Variants in ALDH1L2 observed in about 807,000 individuals in gnomAD.
ALDH1L2 encodes mitochondrial 10-formyltetrahydrofolate dehydrogenase.
In ALDH1L2, 91 loss-of-function variants were observed where a neutral mutation model predicts 111.0. That is an observed-to-expected ratio of 0.82 (90% CI 0.69 to 0.98). The LOEUF (loss-of-function observed/expected upper bound fraction) is 0.98, where lower values mean the gene tolerates loss of function less well. ALDH1L2 is among the 50% of genes least tolerant of loss of function. The pLI, the probability that ALDH1L2 is intolerant of heterozygous loss-of-function variation, is 0.00. For synonymous variants in ALDH1L2, 374 were observed against 392.6 expected (o/e 0.95, Z 0.56); for missense variants, 995 against 1,126.8 (o/e 0.88, Z 1.67).
chr12:105,056,284 G>A lies in ALDH1L2; in HGVS notation c.1287+1789C>T, dbSNP rs187936651. Among the ~76,000 whole-genome samples, 47 of 152,114 alleles carry A rather than the reference G, an allele frequency of 3.1e-4. 1 individual carries two copies. In the South Asian group the frequency reaches 7.1e-3, roughly 23 times the overall value. ...CTTAAAATGATAAAAGAAAAATACC[G>A]TCCAAAAATTCTATACCCAACAAAA... On this transcript the variant is annotated intron_variant, in intron 10 of 22. Transcript: ENST00000258494.
intron 10 of ALDH1L2, among the ~76,000 whole-genome samples, chr12:105,057,471 G>A (rs961055465): frequency 2.0e-5 from 3 of 152,130 alleles, no homozygotes; most frequent in Non-Finnish European, 4.4e-5. Flanking sequence ...AATTTTCATA[G>A]CATTATTCAT....
In ALDH1L2 at chr12:105,024,148, T is replaced by G; in HGVS notation, c.*276A>C. 1 of 516,920 alleles carries G rather than the reference T, an allele frequency of 1.9e-6. No individual in the cohort carries two copies. 32.0% of individuals were successfully genotyped at this position (516,920 alleles called of 1,614,324 possible). A position where few individuals can be genotyped will look rare whatever the true frequency, so the allele number is the denominator to read the frequency against. Reference sequence around the variant, plus strand: ...CTTCAAGATGGGAACCATGAATAGATTTGTCTAGGTAGGGGAGAAACAGCT... The same window carrying G: ...CTTCAAGATGGGAACCATGAATAGAGTTGTCTAGGTAGGGGAGAAACAGCT... On this transcript the variant is annotated 3_prime_UTR_variant, in exon 23 of 23. Transcript: ENST00000258494.
intron 15 of ALDH1L2, among the ~76,000 whole-genome samples, chr12:105,046,014 AGCTATTGTAGCATT>A (rs1273255586): frequency 6.6e-6 from 1 of 151,762 alleles, no homozygotes; most frequent in East Asian, 1.9e-4. Flanking sequence ...TTTCTTAAAA[AGCTATTGTAGCATT>A]AAGAGATTTT....
intron 1 of ALDH1L2, among the ~76,000 whole-genome samples, chr12:105,074,641 C>T (rs1443517184): frequency 6.6e-6 from 1 of 152,014 alleles, no homozygotes; most frequent in Non-Finnish European, 1.5e-5. Context: ...GTTTATCCCC[C>T]TCCAATCTAA....
intron 10 of ALDH1L2, among the ~76,000 whole-genome samples, chr12:105,054,943 T>C (rs1336321995): frequency 1.3e-5 from 2 of 152,164 alleles, no homozygotes; most frequent in Admixed American, 6.5e-5. Context: ...GTGGCAATTA[T>C]TTAATATTGC....
intron 3 of ALDH1L2, 121 bp downstream of exon 3, chr12:105,070,449 A>C (rs1877614240): frequency 1.2e-6 from 1 of 811,140 alleles, no homozygotes. Flanking sequence ...ACAATCCTGA[A>C]ATCTCAGCTA....
intron 1 of ALDH1L2, among the ~76,000 whole-genome samples, chr12:105,079,264 A>C (rs1310680029): frequency 6.6e-6 from 1 of 152,222 alleles, no homozygotes; most frequent in Non-Finnish European, 1.5e-5. Flanking sequence ...TCATACTAAC[A>C]GAAGCAACAA....
At position 105,034,409 on chromosome 12, in the gene ALDH1L2, A is replaced by G; in HGVS notation, c.2146-11T>C. On this transcript the variant is annotated splice_polypyrimidine_tract_variant and intron_variant, in intron 18 of 22. Transcript: ENST00000258494. ...TACTGCTCCCATGCCCTTCAGTGGG[A>G]GAAGAGAAAATATTGCTAACATCAT... is the stretch of plus-strand genomic sequence containing the variant. 3 of 1,606,760 alleles carry G rather than the reference A, an allele frequency of 1.9e-6. No homozygotes were observed. The highest frequency in any genetic ancestry group is 2.2e-5 in the South Asian group (2 of 89,896).
At chr12:105,032,321 G>T (rs1874756347) in intron 19 of ALDH1L2, among the ~76,000 whole-genome samples, 1 of 151,876 alleles carries the variant, frequency 6.6e-6, no homozygotes, top group African/African-American at 2.4e-5. Context: ...GGGATTACAG[G>T]CGCCTGCCAC....
chr12:105,049,109 G>A (rs932104173), intron 13 of ALDH1L2, among the ~76,000 whole-genome samples: 20 of 151,962 alleles, frequency 1.3e-4, no homozygotes, highest in Admixed American at 3.3e-4. Context: ...CTTATACTCA[G>A]TCTGCTTCCA....
At chr12:105,072,620 G>A (rs1209663416) in intron 2 of ALDH1L2, 1 of 152,216 alleles carries the variant, frequency 6.6e-6, no homozygotes, top group African/African-American at 2.4e-5. Flanking sequence ...AGAAAATTGT[G>A]AAAGATCATA....
At chr12:105,061,370 A>G (rs571262669) in intron 8 of ALDH1L2, among the ~76,000 whole-genome samples, 4 of 152,270 alleles carry the variant, frequency 2.6e-5, no homozygotes, top group Non-Finnish European at 5.9e-5. Context: ...TGAAAATAAC[A>G]GAAACTGGGT....
chr12:105,066,387 T>C (rs10778368), intron 5 of ALDH1L2, among the ~76,000 whole-genome samples, 181 bp downstream of exon 5: 133,099 of 152,020 alleles, frequency 0.88, 58,585 homozygotes, highest in East Asian at 1. Context: ...CGAGTCTTCC[T>C]AGACTTTATT....
At chr12:105,051,713 C>A (rs971965149) in intron 12 of ALDH1L2, among the ~76,000 whole-genome samples, 1 of 151,888 alleles carries the variant, frequency 6.6e-6, no homozygotes, top group Admixed American at 6.6e-5. Flanking sequence ...GAATGTTTTG[C>A]AGGAATTTTT....
rs1440862255 is a variant in ALDH1L2, at chr12:105,026,581, CA to C, written c.2679del (p.Phe893LeufsTer13). 1.9e-5 allele frequency: 30 copies of C among 1,613,992 alleles called. No individual in the cohort carries two copies. The highest frequency in any genetic ancestry group is 2.5e-5 in the Non-Finnish European group (29 of 1,180,018). ...CCAAAGCCAGATTGTTTAACTCCGC[CA>C]AATGGGGCCGCCACATCTGTCTTGT... ...TYNKTDVAAP[F>X]GGVKQSGFGK... On this transcript the variant is annotated frameshift_variant, in exon 22 of 23. Coordinates refer to ENST00000258494, the MANE Select transcript of ALDH1L2 (RefSeq NM_001034173.4). LOFTEE classifies it high-confidence loss of function.
intron 7 of ALDH1L2, among the ~76,000 whole-genome samples, chr12:105,062,175 G>A (rs1877040630): frequency 6.6e-6 from 1 of 152,240 alleles, no homozygotes; most frequent in Non-Finnish European, 1.5e-5. Context: ...ATGCATGCAT[G>A]TGCTGAAGGA....
intron 1 of ALDH1L2, among the ~76,000 whole-genome samples, chr12:105,076,582 C>G (rs896389653): frequency 1.3e-5 from 2 of 152,164 alleles, no homozygotes; most frequent in Non-Finnish European, 2.9e-5. Context: ...CAGTCTTGAA[C>G]TGGGCTTTAT....
At chr12:105,083,753 G>A (rs1878443844) in intron 1 of ALDH1L2, among the ~76,000 whole-genome samples, 2 of 152,078 alleles carry the variant, frequency 1.3e-5, no homozygotes, top group Non-Finnish European at 2.9e-5. Flanking sequence ...CAAGGCGCGG[G>A]GCTGGGCCAG....
chr12:105,066,761 C>T, intron 4 of ALDH1L2, 92 bp from the exon 5 acceptor site: 3 of 1,008,086 alleles, frequency 3.0e-6, no homozygotes, highest in Non-Finnish European at 3.1e-6. Context: ...GAATTACTAC[C>T]TATAAACCTG....
Sources: allele counts gnomAD v4.1 joint callset (sites outside exome capture counted in the v4.1 genomes callset), GRCh38; gene constraint gnomAD v4.1.1; transcripts MANE v1.5; gene names NCBI Gene and HGNC (gene_info 2026-07-23, HGNC 2026-07-21).